The following DOCK4 variants were observed in gnomAD, a reference collection of about 807,000 sequenced individuals.
The protein encoded by DOCK4 is dedicator of cytokinesis protein 4.
Under a neutral mutation model 268.1 loss-of-function variants are expected in DOCK4, and 97 were observed. The observed-to-expected ratio is 0.36, with a 90% CI of 0.31 to 0.43. The LOEUF (loss-of-function observed/expected upper bound fraction) is 0.43. DOCK4 is among the 20% of genes least tolerant of loss of function. The pLI, the probability that DOCK4 is intolerant of heterozygous loss-of-function variation, is 1.00. For synonymous variants in DOCK4, 954 were observed against 887.2 expected (o/e 1.08, Z -1.34); for missense variants, 2,145 against 2,455.7 (o/e 0.87, Z 2.67).
chr7:111,846,817 T>A (rs1468769900), intron 24 of DOCK4, among the ~76,000 whole-genome samples, 182 bp downstream of exon 24: 3 of 152,132 alleles, frequency 2.0e-5, no homozygotes, highest in Admixed American at 2.0e-4. Flanking sequence ...TTATTTGGGG[T>A]TACAGAATCC....
intron 8 of DOCK4, among the ~76,000 whole-genome samples, chr7:111,972,887 C>T (rs1263764020): frequency 6.6e-6 from 1 of 151,510 alleles, no homozygotes; most frequent in African/African-American, 2.4e-5. Flanking sequence ...TTGGTGCACC[C>T]ATCACCTGAG....
chr7:111,925,401 A>G (rs987832859), intron 12 of DOCK4, among the ~76,000 whole-genome samples: 1 of 152,180 alleles, frequency 6.6e-6, no homozygotes, highest in African/African-American at 2.4e-5. Context: ...GAAGCAGAGG[A>G]AAGAAAGAAA....
intron 1 of DOCK4, among the ~76,000 whole-genome samples, chr7:112,105,942 C>G (rs1258101964): frequency 7.2e-5 from 11 of 152,214 alleles, no homozygotes. Flanking sequence ...GCTCCTTCCT[C>G]AGCCTCCTAA....
chr7:111,995,136 A>C (rs1484647543), intron 4 of DOCK4, among the ~76,000 whole-genome samples: 2 of 151,052 alleles, frequency 1.3e-5, no homozygotes, highest in African/African-American at 4.9e-5. Context: ...GGTTCATGCC[A>C]TTCTCCTGCC....
intron 32 of DOCK4, among the ~76,000 whole-genome samples, chr7:111,785,276 A>G (rs952660141): frequency 6.6e-6 from 1 of 152,196 alleles, no homozygotes; most frequent in African/African-American, 2.4e-5. Context: ...AAAACCTCTG[A>G]ACAGCACCTC....
At chr7:111,890,685 G>C (rs993079265) in intron 16 of DOCK4, among the ~76,000 whole-genome samples, 7 of 152,162 alleles carry the variant, frequency 4.6e-5, no homozygotes, top group Non-Finnish European at 8.8e-5. Flanking sequence ...AGCTCGGTAA[G>C]AACGGTTTCT....
intron 12 of DOCK4, among the ~76,000 whole-genome samples, chr7:111,930,947 A>T (rs112608040): frequency 3.9e-5 from 6 of 152,180 alleles, no homozygotes; most frequent in African/African-American, 1.4e-4. Context: ...CTGAGCTTCC[A>T]CTCTCTAGAG....
intron 8 of DOCK4, among the ~76,000 whole-genome samples, chr7:111,973,461 A>G (rs1797894578): frequency 2.0e-5 from 3 of 152,152 alleles, no homozygotes. Flanking sequence ...CAAATGACAC[A>G]TAAGTTGCAG....
At chr7:111,976,991 G>T in intron 8 of DOCK4, 141 bp downstream of exon 8, 1 of 958,724 alleles carries the variant, frequency 1.0e-6, no homozygotes, top group South Asian at 2.3e-5. Context: ...AGGCAGCTTA[G>T]AAACTCAGAG....
chr7:112,146,849 ACG>A (rs1037800540), intron 1 of DOCK4, among the ~76,000 whole-genome samples: 2 of 152,166 alleles, frequency 1.3e-5, no homozygotes, highest in African/African-American at 4.8e-5. Context: ...AATAATTTAG[ACG>A]AGTGTAACAG....
chr7:111,732,971 G>A (rs1795204691), intron 51 of DOCK4, among the ~76,000 whole-genome samples: 1 of 152,226 alleles, frequency 6.6e-6, no homozygotes, highest in African/African-American at 2.4e-5. Flanking sequence ...CTGGAACACA[G>A]CATGTGTGAT....
chr7:111,874,912 A>G (rs902149416), intron 17 of DOCK4, among the ~76,000 whole-genome samples: 3 of 152,244 alleles, frequency 2.0e-5, no homozygotes, highest in African/African-American at 4.8e-5. Context: ...CCTAGAGACC[A>G]TATCACTTAG....
At chr7:112,029,865 T>C (rs1350789366) in intron 1 of DOCK4, among the ~76,000 whole-genome samples, 3 of 152,370 alleles carry the variant, frequency 2.0e-5, no homozygotes, top group East Asian at 1.9e-4. Context: ...AACAGTATCA[T>C]GATTCATTGT....
intron 23 of DOCK4, among the ~76,000 whole-genome samples, chr7:111,855,357 G>T (rs186463025): frequency 6.6e-6 from 1 of 152,142 alleles, no homozygotes; most frequent in Non-Finnish European, 1.5e-5. Context: ...ACAGAGGCAC[G>T]TGAGGTTTCT....
intron 23 of DOCK4, among the ~76,000 whole-genome samples, chr7:111,854,096 A>G (rs1333495380): frequency 6.6e-6 from 1 of 151,754 alleles, no homozygotes; most frequent in African/African-American, 2.4e-5. Flanking sequence ...GCACCTGGCT[A>G]ATTTTTATAT....
In DOCK4 at chr7:112,033,885, T is replaced by C. The variant is rs181948068; in HGVS notation, c.38-29754A>G. On this transcript the variant is annotated intron_variant, in intron 1 of 52. Coordinates refer to ENST00000428084, the MANE Select transcript of DOCK4 (RefSeq NM_001363540.2). Reference sequence around the variant, plus strand: ...ATCATTAATGTTTCCGTGTGAAATATAGTGCTCAATCTGAAGCAATACCTA... The same window carrying C: ...ATCATTAATGTTTCCGTGTGAAATACAGTGCTCAATCTGAAGCAATACCTA... Among the ~76,000 whole-genome samples the C allele has an allele frequency of 8.1e-4, 123 of 152,332 alleles. 1 individual carries two copies. The Middle Eastern group carries it at 0.037, about 46-fold the overall frequency.
At chr7:111,814,246 A>G (rs1801372870) in intron 27 of DOCK4, among the ~76,000 whole-genome samples, 1 of 152,164 alleles carries the variant, frequency 6.6e-6, no homozygotes, top group Non-Finnish European at 1.5e-5. Flanking sequence ...CACAAAATAT[A>G]TTTGTGGCTT....
chr7:112,059,350 G>C (rs1328863410), intron 1 of DOCK4, among the ~76,000 whole-genome samples: 1 of 151,822 alleles, frequency 6.6e-6, no homozygotes, highest in Non-Finnish European at 1.5e-5. Context: ...CACCATGCTG[G>C]CCAAGCTGGC....
At position 111,788,476 on chromosome 7, in the gene DOCK4, T is replaced by C. The variant is rs930925940; in HGVS notation, c.3401+186A>G. On this transcript the variant is annotated intron_variant, in intron 32 of 52. Transcript: ENST00000428084. ...TAAAACAGGAAGACATGCCTAATCA[T>C]CAACATTATAAGATCCATTCGCCAG... 2.2e-5 allele frequency: 13 copies of C among 585,652 alleles called. No homozygotes were observed. The African/African-American group carries it at 2.2e-4, about 10-fold the overall frequency. The allele number at this position is 585,652 out of a possible 1,614,324, so 36.3% of individuals were successfully genotyped here. A position where few individuals can be genotyped will look rare whatever the true frequency, so the allele number is the denominator to read the frequency against.
Sources: gnomAD v4.1 joint callset for allele counts (sites outside exome capture counted in the v4.1 genomes callset) on GRCh38, gnomAD v4.1.1 for gene constraint, MANE v1.5 for transcripts, NCBI Gene and HGNC (gene_info 2026-07-23, HGNC 2026-07-21) for gene names.